EPB41L3: variants seen among roughly 807,000 people sequenced by gnomAD.
EPB41L3 encodes the protein erythrocyte membrane protein band 4.1 like 3, also known as band 4.1-like protein 3.
A neutral mutation model predicts 127.1 loss-of-function variants in EPB41L3; 57 were observed. The ratio of observed to expected loss-of-function variants is 0.45; its 90% confidence interval spans 0.36 to 0.56. The LOEUF (loss-of-function observed/expected upper bound fraction) is 0.56, where lower values mean the gene tolerates loss of function less well. Ranked by LOEUF, EPB41L3 falls within the 20% of genes least tolerant of loss-of-function variation. EPB41L3 has a pLI of 0.00. For missense variants in EPB41L3, 1,273 were observed against 1,372.2 expected (o/e 0.93, Z 1.14); for synonymous variants, 572 against 549.5 (o/e 1.04, Z -0.57).
At chr18:5,505,779 C>G (rs933179098) in intron 1 of EPB41L3, among the ~76,000 whole-genome samples, 1 of 135,732 alleles carries the variant, frequency 7.4e-6, no homozygotes, top group Non-Finnish European at 1.6e-5. Context: ...TCACCTCCAC[C>G]CCTTCCCTCC....
At chr18:5,450,187 G>A (rs768968804) in intron 3 of EPB41L3, among the ~76,000 whole-genome samples, 1 of 152,102 alleles carries the variant, frequency 6.6e-6, no homozygotes, top group African/African-American at 2.4e-5. Flanking sequence ...TGGGGGTGGG[G>A]AGGGATGAAT....
chr18:5,410,409 A>C (rs1400683105), intron 14 of EPB41L3, among the ~76,000 whole-genome samples, 157 bp downstream of exon 14: 1 of 152,194 alleles, frequency 6.6e-6, no homozygotes, highest in Non-Finnish European at 1.5e-5. Flanking sequence ...TTTAAGAACC[A>C]CTGGTCTAGA....
intron 1 of EPB41L3, among the ~76,000 whole-genome samples, chr18:5,533,682 C>A (rs1009668227): frequency 1.3e-5 from 2 of 152,170 alleles, no homozygotes; most frequent in Non-Finnish European, 2.9e-5. Context: ...AGAAAATTAA[C>A]CCCAACTGAA....
chr18:5,471,472 T>C (rs977198880), intron 3 of EPB41L3, among the ~76,000 whole-genome samples: 1 of 152,194 alleles, frequency 6.6e-6, no homozygotes, highest in Non-Finnish European at 1.5e-5. Context: ...AAATATGAAG[T>C]ATCACGTGAA....
At chr18:5,510,998 TG>T (rs1255920030) in intron 1 of EPB41L3, among the ~76,000 whole-genome samples, 5 of 152,134 alleles carry the variant, frequency 3.3e-5, no homozygotes, top group Admixed American at 2.0e-4. Flanking sequence ...ACGGTACCTG[TG>T]TACTGTCCCT....
At chr18:5,462,661 C>A (rs1444665214) in intron 3 of EPB41L3, among the ~76,000 whole-genome samples, 1 of 152,066 alleles carries the variant, frequency 6.6e-6, no homozygotes, top group East Asian at 1.9e-4. Context: ...CAAAGCTGTC[C>A]CCACTCCCTA....
rs528867267 is a variant in EPB41L3 at position 5,455,739 on chromosome 18, G to A, written c.382-10495C>T. The stretch of plus-strand genomic sequence containing the variant: ...AGATGATGGCTTTCCAGTGAAGCAC[G>A]CTTCTTCTTGGCTAGCAGAAACATT... On this transcript the variant is annotated intron_variant, in intron 3 of 22. Coordinates refer to ENST00000341928, the MANE Select transcript of EPB41L3 (RefSeq NM_012307.5). Among the ~76,000 whole-genome samples, 8 of 150,658 alleles carry A rather than the reference G, an allele frequency of 5.3e-5. No individual in the cohort carries two copies. The South Asian group carries it at 1.1e-3, about 20-fold the overall frequency.
In EPB41L3 at chr18:5,415,879, G is replaced by A. The variant is rs776605740; in HGVS notation, c.2006C>T (p.Pro669Leu). Residue 669 changes from proline to leucine, a missense_variant, in exon 13 of 23, where the codon CCC becomes CTC. Pro to Leu is a moderately conservative substitution (Grantham distance 98). Coordinates refer to ENST00000341928, the MANE Select transcript of EPB41L3 (RefSeq NM_012307.5). ...PLALCLCYLEPKAASLSASLD... is the reference protein window; with the variant it reads ...PLALCLCYLELKAASLSASLD... The stretch of plus-strand genomic sequence containing the variant: ...GGAGGCGCTCAAGGAGGCCGCCTTG[G>A]GCTCCAGGTAGCAGAGGCACAGAGC... The A allele has an allele frequency of 1.2e-6, 2 of 1,613,766 alleles. No homozygotes were observed. Among genetic ancestry groups the A allele is most frequent in the South Asian group, 1.1e-5 (1 of 91,072 alleles).
At chr18:5,521,386 T>C (rs921410376) in intron 1 of EPB41L3, 1 of 152,192 alleles carries the variant, frequency 6.6e-6, no homozygotes. Context: ...ATTCAGCTCA[T>C]CAAGTTAACC....
chr18:5,616,798 A>G (rs1394593449), intron 1 of EPB41L3, among the ~76,000 whole-genome samples: 6 of 152,156 alleles, frequency 3.9e-5, no homozygotes, highest in African/African-American at 1.2e-4. Context: ...AAGATTCATC[A>G]TGTGGTTGGT....
At chr18:5,524,177 T>A (rs2093126111) in intron 1 of EPB41L3, among the ~76,000 whole-genome samples, 1 of 152,012 alleles carries the variant, frequency 6.6e-6, no homozygotes, top group South Asian at 2.1e-4. Context: ...TCATTTTTTT[T>A]TTTGTTGTTG....
At chr18:5,519,382 C>T (rs1417233738) in intron 1 of EPB41L3, among the ~76,000 whole-genome samples, 2 of 152,152 alleles carry the variant, frequency 1.3e-5, no homozygotes, top group Non-Finnish European at 2.9e-5. Context: ...TCAGTTACTC[C>T]CCAGTCTATC....
At chr18:5,530,068 T>C (rs2093362228) in intron 1 of EPB41L3, among the ~76,000 whole-genome samples, 1 of 152,110 alleles carries the variant, frequency 6.6e-6, no homozygotes, top group South Asian at 2.1e-4. Context: ...TTTCAAAGTA[T>C]TCATTTTTCT....
chr18:5,482,520 C>T (rs183502870), intron 2 of EPB41L3, among the ~76,000 whole-genome samples: 4 of 152,254 alleles, frequency 2.6e-5, no homozygotes, highest in Admixed American at 2.6e-4. Flanking sequence ...CTGAGAACAT[C>T]ACACAGATTC....
chr18:5,396,989 G>T, intron 18 of EPB41L3, 69 bp downstream of exon 18: 1 of 1,474,396 alleles, frequency 6.8e-7, no homozygotes, highest in Non-Finnish European at 9.1e-7. Flanking sequence ...CCTTTATGCT[G>T]ATCTAAATTT....
At chr18:5,434,450 G>C (rs1357090946) in intron 6 of EPB41L3, among the ~76,000 whole-genome samples, 2 of 152,142 alleles carry the variant, frequency 1.3e-5, no homozygotes, top group Non-Finnish European at 2.9e-5. Flanking sequence ...AAAGTCAAAT[G>C]AACAGTCCCC....
intron 3 of EPB41L3, among the ~76,000 whole-genome samples, chr18:5,594,586 T>C (rs1053816979): frequency 6.6e-6 from 1 of 152,206 alleles, no homozygotes; most frequent in Admixed American, 6.5e-5. Flanking sequence ...ATTCCTAAGA[T>C]TGTGTATCTT....
At chr18:5,507,619 T>C (rs566177424) in intron 1 of EPB41L3, among the ~76,000 whole-genome samples, 1 of 152,306 alleles carries the variant, frequency 6.6e-6, no homozygotes, top group South Asian at 2.1e-4. Context: ...GTTGACTACA[T>C]AGCATTAATA....
intron 1 of EPB41L3, among the ~76,000 whole-genome samples, chr18:5,623,579 A>T (rs918662846): frequency 6.6e-6 from 1 of 152,182 alleles, no homozygotes; most frequent in African/African-American, 2.4e-5. Context: ...TCATCTTCTT[A>T]TAATAATTTA....
Sources: allele counts gnomAD v4.1 joint callset (sites outside exome capture counted in the v4.1 genomes callset), GRCh38; gene constraint gnomAD v4.1.1; transcripts MANE v1.5; gene names NCBI Gene and HGNC (gene_info 2026-07-23, HGNC 2026-07-21).